The following ANO10 variants were observed in gnomAD, a reference collection of about 807,000 sequenced individuals.
ANO10 encodes the protein anoctamin 10.
A neutral mutation model predicts 74.7 loss-of-function variants in ANO10; 77 were observed. That is an observed-to-expected ratio of 1.03 (90% confidence interval 0.86 to 1.25). ANO10 has a LOEUF of 1.25. Among genes scored for constraint, ANO10 ranks in the 50% most tolerant of loss-of-function variants. The probability of loss-of-function intolerance (pLI) is 0.00; values close to 1 mark genes in which losing one functional copy is unlikely to be tolerated. For missense variants in ANO10, 721 were observed against 778.1 expected (o/e 0.93, Z 0.87); for synonymous variants, 279 against 284.9 (o/e 0.98, Z 0.21).
At chr3:43,478,435 A>C (rs748949865) in intron 11 of ANO10, among the ~76,000 whole-genome samples, 12 of 152,228 alleles carry the variant, frequency 7.9e-5, no homozygotes, top group Non-Finnish European at 1.5e-4. Flanking sequence ...TAAGGTCTGG[A>C]AAGTAACTTC....
intron 12 of ANO10, among the ~76,000 whole-genome samples, chr3:43,412,912 A>G (rs1176795189): frequency 6.6e-6 from 1 of 152,252 alleles, no homozygotes; most frequent in South Asian, 2.1e-4. Flanking sequence ...TTAGCCAGGC[A>G]TGGTGGCACA....
intron 1 of ANO10, among the ~76,000 whole-genome samples, chr3:43,684,544 G>C (rs577124776): frequency 1.1e-4 from 17 of 152,222 alleles, no homozygotes; most frequent in African/African-American, 3.4e-4. Flanking sequence ...GGATCTAGAA[G>C]TAGAAATACC....
intron 7 of ANO10, among the ~76,000 whole-genome samples, chr3:43,566,883 C>CT (rs1016943162): frequency 1.3e-5 from 2 of 152,164 alleles, no homozygotes; most frequent in African/African-American, 4.8e-5. Flanking sequence ...TCAAATTACT[C>CT]TGAGCTACGG....
chr3:43,686,267 G>T (rs749587443), intron 1 of ANO10, among the ~76,000 whole-genome samples: 6 of 152,090 alleles, frequency 3.9e-5, no homozygotes, highest in Non-Finnish European at 7.4e-5. Flanking sequence ...GGGACCTCAA[G>T]AATTGTTTAG....
intron 11 of ANO10, among the ~76,000 whole-genome samples, chr3:43,517,786 G>A (rs1282018206): frequency 6.6e-6 from 1 of 152,152 alleles, no homozygotes; most frequent in Admixed American, 6.5e-5. Flanking sequence ...TACAAATTGA[G>A]CACTACCCTA....
At chr3:43,617,998 G>A (rs1164900253) in intron 1 of ANO10, 1 of 152,330 alleles carries the variant, frequency 6.6e-6, no homozygotes, top group Non-Finnish European at 1.5e-5. Context: ...CAGAGGACCC[G>A]AGATGCAGAG....
chr3:43,661,115 G>A (rs898204781), intron 1 of ANO10, among the ~76,000 whole-genome samples: 3 of 152,128 alleles, frequency 2.0e-5, no homozygotes, highest in African/African-American at 7.2e-5. Flanking sequence ...GATTCACCAA[G>A]GTTGAAATGA....
In ANO10 at chr3:43,421,474, T is replaced by C. The variant is rs1226343364; in HGVS notation, c.1914+11137A>G. 2.0e-5 allele frequency among the ~76,000 whole-genome samples: 3 copies of C among 151,750 alleles called. No homozygotes were observed. The East Asian group carries it at 5.8e-4, about 29-fold the overall frequency. On this transcript the variant is annotated intron_variant, in intron 12 of 12. Transcript: ENST00000292246. The stretch of plus-strand genomic sequence containing the variant: ...TGGGAGGTCGAGGCTGCAGTGAGCA[T>C]GCATTCCACTGCATTCCAGCCTGGG...
chr3:43,591,390 G>A (rs952923954), intron 4 of ANO10, among the ~76,000 whole-genome samples: 3 of 152,104 alleles, frequency 2.0e-5, no homozygotes, highest in Non-Finnish European at 2.9e-5. Context: ...TGGGTTCCAC[G>A]GTTCTCTTCC....
chr3:43,580,247 C>A, intron 5 of ANO10, 106 bp downstream of exon 5: 1 of 1,465,140 alleles, frequency 6.8e-7, no homozygotes, highest in Non-Finnish European at 9.5e-7. Flanking sequence ...GATCCCTGCC[C>A]AGTAGAGCAC....
upstream of ANO10, among the ~76,000 whole-genome samples, chr3:43,622,462 T>C (rs1448707311): frequency 6.6e-6 from 1 of 152,204 alleles, no homozygotes; most frequent in African/African-American, 2.4e-5. Flanking sequence ...CTTCCATCTC[T>C]TAAAGACCAG....
At chr3:43,500,395 A>G (rs1391937111) in intron 11 of ANO10, among the ~76,000 whole-genome samples, 2 of 152,178 alleles carry the variant, frequency 1.3e-5, no homozygotes, top group Non-Finnish European at 2.9e-5. Context: ...GGTCAATGAA[A>G]GGTTTATAGC....
At chr3:43,411,912 C>G (rs1159225731) in intron 12 of ANO10, among the ~76,000 whole-genome samples, 1 of 151,802 alleles carries the variant, frequency 6.6e-6, no homozygotes, top group Non-Finnish European at 1.5e-5. Context: ...TTTTTTTCCT[C>G]TCTCTACAGT....
intron 4 of ANO10, among the ~76,000 whole-genome samples, chr3:43,580,674 T>C (rs2081227188): frequency 6.6e-6 from 1 of 152,128 alleles, no homozygotes; most frequent in Non-Finnish European, 1.5e-5. Flanking sequence ...AGCAAAAAAG[T>C]AAATATAAAA....
intron 12 of ANO10, among the ~76,000 whole-genome samples, chr3:43,381,380 C>A (rs1344226988): frequency 6.6e-6 from 1 of 152,050 alleles, no homozygotes; most frequent in South Asian, 2.1e-4. Flanking sequence ...AAAAGATATT[C>A]CATGAAAATG....
intron 11 of ANO10, among the ~76,000 whole-genome samples, chr3:43,502,316 G>C (rs1193501550): frequency 6.6e-6 from 1 of 152,152 alleles, no homozygotes; most frequent in African/African-American, 2.4e-5. Flanking sequence ...GTGCCTAGTG[G>C]ACAGTGTTTG....
intron 1 of ANO10, among the ~76,000 whole-genome samples, chr3:43,646,726 TCTTGAA>T (rs1328521013): frequency 6.6e-6 from 1 of 152,098 alleles, no homozygotes; most frequent in African/African-American, 2.4e-5. Context: ...GCCAAGCTGG[TCTTGAA>T]CTCCTGACCT....
chr3:43,513,326 T>C (rs2077581092), intron 11 of ANO10, among the ~76,000 whole-genome samples: 1 of 152,182 alleles, frequency 6.6e-6, no homozygotes. Flanking sequence ...AAGTAAACTA[T>C]TGTATGGTTC....
intron 9 of ANO10, among the ~76,000 whole-genome samples, chr3:43,560,981 G>A (rs771845916): frequency 8.5e-5 from 13 of 152,202 alleles, no homozygotes; most frequent in Non-Finnish European, 1.8e-4. Context: ...AAGCAGTCAT[G>A]TAATTCTCCA....
Sources: allele counts gnomAD v4.1 joint callset (sites outside exome capture counted in the v4.1 genomes callset), GRCh38; gene constraint gnomAD v4.1.1; transcripts MANE v1.5; gene names NCBI Gene and HGNC (gene_info 2026-07-23, HGNC 2026-07-21).